The following G3BP2 variants were observed in gnomAD, a reference collection of about 807,000 sequenced individuals.
The protein encoded by G3BP2 is ras GTPase-activating protein-binding protein 2.
A neutral mutation model predicts 56.7 loss-of-function variants in G3BP2; 11 were observed. The observed-to-expected ratio is 0.19, with a 90% CI of 0.12 to 0.32. G3BP2 has a LOEUF of 0.32. Among genes scored for constraint, G3BP2 ranks in the 10% least tolerant of loss-of-function variants. G3BP2 has a pLI of 1.00. For missense variants in G3BP2, 340 were observed against 610.9 expected (o/e 0.56, Z 4.67); for synonymous variants, 165 against 191.6 (o/e 0.86, Z 1.15).
intron 8 of G3BP2, among the ~76,000 whole-genome samples, chr4:75,653,556 TAA>T (rs1731859844): frequency 7.5e-6 from 1 of 134,016 alleles, no homozygotes; most frequent in African/African-American, 2.8e-5. Context: ...CAGCGTATGT[TAA>T]AAAGTTTCCT....
intron 1 of G3BP2, 87 bp downstream of exon 1, chr4:75,673,121 C>T: frequency 9.2e-7 from 1 of 1,088,684 alleles, no homozygotes; most frequent in East Asian, 5.5e-5. Flanking sequence ...GCTCACACAC[C>T]GGACGATTGC....
At chr4:75,678,965 C>G (rs931132203) in intron 3 of G3BP2, among the ~76,000 whole-genome samples, 1 of 152,224 alleles carries the variant, frequency 6.6e-6, no homozygotes, top group Admixed American at 6.5e-5. Context: ...TTTTCGCAGA[C>G]TGCCCACTGC....
chr4:75,647,224 T>C, intron 9 of G3BP2, 67 bp from the exon 10 acceptor site: 1 of 1,036,312 alleles, frequency 9.6e-7, no homozygotes, highest in African/African-American at 1.6e-5. Flanking sequence ...AAGGAGTGAA[T>C]GTAAAAATCA....
chr4:75,653,309 C>T (rs1335621808), intron 8 of G3BP2, among the ~76,000 whole-genome samples: 3 of 152,152 alleles, frequency 2.0e-5, no homozygotes, highest in East Asian at 1.9e-4. Context: ...AAAAATTGGA[C>T]ACCCTTTATA....
chr4:75,653,082 C>T (rs1731820268), intron 8 of G3BP2, among the ~76,000 whole-genome samples: 1 of 150,668 alleles, frequency 6.6e-6, no homozygotes, highest in African/African-American at 2.4e-5. Flanking sequence ...GGTAACCACG[C>T]ATTGCCTGAA....
At chr4:75,704,341 A>G (rs534337350) in intron 3 of G3BP2, among the ~76,000 whole-genome samples, 36 of 151,642 alleles carry the variant, frequency 2.4e-4, no homozygotes, top group African/African-American at 8.7e-4. Context: ...GTTTTGAGAC[A>G]AAGTCTTGCT....
rs1731079115 is a variant in G3BP2, at chr4:75,644,524, T to C, written c.*906A>G. On this transcript the variant is annotated 3_prime_UTR_variant, in exon 12 of 12. Transcript: ENST00000359707. ...TTACCAGCAAGACTGGAATGATGTA[T>C]TAATAGAAGGCACCATCATGCTTAT... The C allele has an allele frequency of 6.6e-6, 1 of 152,602 alleles. No individual in the cohort carries two copies. The highest frequency in any genetic ancestry group is 6.5e-5 in the Admixed American group (1 of 15,272). The allele number at this position is 152,602 out of a possible 1,614,324, so 9.5% of individuals were successfully genotyped here. A position where few individuals can be genotyped will look rare whatever the true frequency, so the allele number is the denominator to read the frequency against.
chr4:75,653,843 G>A (rs933158937), intron 8 of G3BP2, 140 bp downstream of exon 8: 3 of 540,898 alleles, frequency 5.5e-6, no homozygotes, highest in Middle Eastern at 3.6e-4. Flanking sequence ...GACATTTAAA[G>A]TGGGTGCACT....
rs745638771 is a variant in G3BP2, at chr4:75,655,844, G to C, written c.469C>G (p.Gln157Glu). The change falls in exon 6 of 12, where the codon CAA becomes GAA. Residue 157 changes from glutamine (Q) to glutamate (E), a missense_variant. By Grantham distance (29) the Gln-to-Glu change is conservative (BLOSUM62 2). Around this residue, in one of 4 missense-constraint regions of G3BP2, gnomAD observed 224 missense variants for 332.5 expected, o/e 0.67. Transcript: ENST00000359707. The stretch of plus-strand genomic sequence containing the variant: ...TCAGGAGATGGTTGTCTTTCTTCTT[G>C]TTCCTCTTCTACTTCATCTTCTGAT... Reference protein sequence around the residue: ...EESEDEVEEEQEERQPSPEPV... With the variant: ...EESEDEVEEEEEERQPSPEPV... The C allele has an allele frequency of 6.3e-7, 1 of 1,585,006 alleles. No homozygotes were observed. The highest frequency in any genetic ancestry group is 8.7e-7 in the Non-Finnish European group (1 of 1,153,694).
chr4:75,659,953 C>T (rs988630926), intron 2 of G3BP2, among the ~76,000 whole-genome samples: 6 of 152,190 alleles, frequency 3.9e-5, no homozygotes, highest in African/African-American at 1.2e-4. Context: ...CTCTTTGATG[C>T]ATTAATTCTT....
In G3BP2 at chr4:75,657,698, G is replaced by C; in HGVS notation, c.210C>G (p.Phe70Leu). 1 of 1,612,000 alleles carries C rather than the reference G, an allele frequency of 6.2e-7. No individual in the cohort carries two copies. The highest frequency in any genetic ancestry group is 8.5e-7 in the Non-Finnish European group (1 of 1,178,282). ...DIHHKVLSLNFSECHTKIRHV... is the reference protein window; with the variant it reads ...DIHHKVLSLNLSECHTKIRHV... ...GACGAATTTTAGTATGACATTCACT[G>C]AAGTTCAGAGATAATACTTTGTGGT... Residue 70 changes from phenylalanine to leucine, a missense_variant, in exon 4 of 12, where the codon TTC becomes TTG. Physicochemically the swap from Phe to Leu is conservative, Grantham distance 22. Coordinates refer to ENST00000359707, the MANE Select transcript of G3BP2 (RefSeq NM_203505.3).
intron 3 of G3BP2, among the ~76,000 whole-genome samples, chr4:75,686,564 CG>C (rs1190044676): frequency 1.5e-3 from 2 of 1,340 alleles, no homozygotes; most frequent in South Asian, 0.013. Context: ...GGGTGGGTGG[CG>C]GGGGGTGGGG....
At chr4:75,690,976 T>G (rs970151200) in intron 3 of G3BP2, among the ~76,000 whole-genome samples, 4 of 152,188 alleles carry the variant, frequency 2.6e-5, no homozygotes, top group Non-Finnish European at 4.4e-5. Flanking sequence ...TATTACCTTA[T>G]AATCTTAATT....
At position 75,645,697 on chromosome 4, in the gene G3BP2, A is replaced by C. The variant is rs775286366; in HGVS notation, c.1182T>G (p.Ile394Met). 2 of 1,613,422 alleles carry C rather than the reference A, an allele frequency of 1.2e-6. No homozygotes were observed. The highest frequency in any genetic ancestry group is 1.7e-6 in the Non-Finnish European group (2 of 1,179,694). Residue 394 changes from isoleucine to methionine, a missense_variant, in exon 12 of 12, where the codon ATT becomes ATG. This residue lies in a region of G3BP2 where 94 missense variants were observed against 173.8 expected (regional missense o/e 0.54). Transcript: ENST00000359707. ...TTAAACGTACTTCCCCTCGAAACAT[A>C]ATCGGCTTTATAAAAGAGAAGAAAA... Reference protein sequence around the residue: ...PVQRILIAKPIMFRGEVRLNV... With the variant: ...PVQRILIAKPMMFRGEVRLNV...
chr4:75,648,188 A>C (rs1403596608), intron 9 of G3BP2, among the ~76,000 whole-genome samples: 1 of 151,990 alleles, frequency 6.6e-6, no homozygotes, highest in Non-Finnish European at 1.5e-5. Context: ...TCTCTACTAA[A>C]ATACAGAAAA....
intron 3 of G3BP2, among the ~76,000 whole-genome samples, chr4:75,701,428 TTTTGTTTG>T (rs141771787): frequency 2.0e-5 from 3 of 151,194 alleles, no homozygotes; most frequent in African/African-American, 7.3e-5. Flanking sequence ...ACCTGGCTAA[TTTTGTTTG>T]TTTGTTTTCA....
Position 75,646,430 on chromosome 4 carries a change from T to C in G3BP2, c.1084A>G (p.Ile362Val). 6.2e-7 allele frequency: 1 copy of C among 1,610,770 alleles called. No individual in the cohort carries two copies. The highest frequency in any genetic ancestry group is 8.5e-7 in the Non-Finnish European group (1 of 1,177,690). Reference sequence around the variant, plus strand: ...TTTCCCCCAACACCCTTGGTATTGATGCGAAGTTCCACAACGTTTCCAAAA... The same window carrying C: ...TTTCCCCCAACACCCTTGGTATTGACGCGAAGTTCCACAACGTTTCCAAAA... ...MSFGNVVELR[I>V]NTKGVGGKLP... Residue 362 changes from isoleucine (I) to valine (V), a missense_variant, in exon 11 of 12, where the codon ATC (isoleucine) becomes GTC (valine). Around this residue, in one of 4 missense-constraint regions of G3BP2, gnomAD observed 94 missense variants for 173.8 expected, o/e 0.54. Coordinates refer to ENST00000359707, the MANE Select transcript of G3BP2 (RefSeq NM_203505.3).
chr4:75,681,468 C>G (rs1438845684), intron 3 of G3BP2, among the ~76,000 whole-genome samples: 2 of 152,128 alleles, frequency 1.3e-5, no homozygotes, highest in Non-Finnish European at 2.9e-5. Flanking sequence ...CCTATATATA[C>G]TATGTTTTTT....
At chr4:75,659,505 T>TA (rs1732379285) in intron 2 of G3BP2, among the ~76,000 whole-genome samples, 2 of 152,358 alleles carry the variant, frequency 1.3e-5, no homozygotes, top group African/African-American at 4.8e-5. Context: ...ATGTGTAAAT[T>TA]AGTCTTTTAT....
Sources: allele counts gnomAD v4.1 joint callset (sites outside exome capture counted in the v4.1 genomes callset), GRCh38; gene constraint gnomAD v4.1.1; regional missense constraint gnomAD v4.1.1; transcripts MANE v1.5; gene names NCBI Gene and HGNC (gene_info 2026-07-23, HGNC 2026-07-21).